Variants in MIPEP observed in about 807,000 individuals in gnomAD.
MIPEP encodes the protein mitochondrial intermediate peptidase.
Under a neutral mutation model 90.3 loss-of-function variants are expected in MIPEP, and 79 were observed. The observed-to-expected ratio is 0.87, with a 90% confidence interval of 0.73 to 1.05. The LOEUF is 1.05. MIPEP is among the 50% of genes least tolerant of loss of function. The pLI is 0.00. For synonymous variants in MIPEP, 334 were observed against 315.8 expected, an observed-to-expected ratio of 1.06 and a Z score of -0.61; for missense variants, 940 against 905.6, an observed-to-expected ratio of 1.04 and a Z score of -0.49.
At chr13:23,753,034 C>G in intron 18 of MIPEP, among the ~76,000 whole-genome samples, 1 of 152,190 alleles carries the variant, frequency 6.6e-6, no homozygotes, top group Middle Eastern at 3.4e-3. Flanking sequence ...TCGAGACCAG[C>G]CTGGCCAACA....
chr13:23,879,230 G>C, intron 4 of MIPEP, 38 bp downstream of exon 4: 3 of 1,259,254 alleles, frequency 2.4e-6, no homozygotes, highest in Non-Finnish European at 3.5e-6. Context: ...CACCTCTAGA[G>C]TCACAGTCAC....
At chr13:23,808,191 C>G (rs914288953) in intron 15 of MIPEP, among the ~76,000 whole-genome samples, 1 of 151,836 alleles carries the variant, frequency 6.6e-6, no homozygotes, top group Non-Finnish European at 1.5e-5. Flanking sequence ...CTCCGCCTCC[C>G]GGGTTCACGC....
intron 16 of MIPEP, among the ~76,000 whole-genome samples, chr13:23,783,505 G>A (rs1169434765): frequency 6.6e-6 from 1 of 152,138 alleles, no homozygotes; most frequent in African/African-American, 2.4e-5. Flanking sequence ...TACTGAATGG[G>A]CAAAAACTGG....
At chr13:23,753,765 C>A (rs1467915360) in intron 18 of MIPEP, among the ~76,000 whole-genome samples, 1 of 152,124 alleles carries the variant, frequency 6.6e-6, no homozygotes. Flanking sequence ...GAGCCCTGTT[C>A]CCAAGGGATG....
chr13:23,843,097 C>CAAAAAAA, intron 10 of MIPEP, among the ~76,000 whole-genome samples: 2 of 53,560 alleles, frequency 3.7e-5, no homozygotes, highest in Admixed American at 2.2e-4. Context: ...CTCTCCATCT[C>CAAAAAAA]AAAAAAAAAA....
intron 3 of MIPEP, among the ~76,000 whole-genome samples, chr13:23,879,900 T>C (rs540770017): frequency 1.4e-4 from 21 of 152,082 alleles, no homozygotes; most frequent in South Asian, 4.1e-4. Context: ...TGTTGAGCAG[T>C]TGTGCCATCC....
chr13:23,809,861 T>C lies in MIPEP; in HGVS notation c.1717A>G (p.Met573Val). 1 of 1,612,612 alleles carries C rather than the reference T, an allele frequency of 6.2e-7. No homozygotes were observed. The highest frequency in any genetic ancestry group is 8.5e-7 in the Non-Finnish European group (1 of 1,178,864). Residue 573 changes from methionine (M) to valine (V), a missense_variant, in exon 15 of 19, where the codon ATG (methionine) becomes GTG (valine). Met to Val is a conservative substitution (Grantham distance 21, BLOSUM62 1). Coordinates refer to ENST00000382172, the MANE Select transcript of MIPEP (RefSeq NM_005932.4). ...AGGTACATACATACCTGAAGTTGCA[T>C]ATCAGCTGCAGCACAAACCTTTTTA... ...ESKKVCAAAD[M>V]QLQVFYATLD...
At chr13:23,830,860 T>C (rs1047459279) in intron 14 of MIPEP, among the ~76,000 whole-genome samples, 11 of 152,194 alleles carry the variant, frequency 7.2e-5, no homozygotes, top group Non-Finnish European at 1.6e-4. Context: ...AGCATCACTG[T>C]AAAACAGGCC....
At chr13:23,769,425 G>T (rs188921330) in intron 16 of MIPEP, among the ~76,000 whole-genome samples, 2 of 152,222 alleles carry the variant, frequency 1.3e-5, no homozygotes, top group Non-Finnish European at 1.5e-5. Context: ...GGACATGAGT[G>T]CCCTTTGTAG....
chr13:23,843,298 G>A (rs1233368315), intron 10 of MIPEP, among the ~76,000 whole-genome samples: 1 of 152,106 alleles, frequency 6.6e-6, no homozygotes, highest in African/African-American at 2.4e-5. Flanking sequence ...AATGTAGAAA[G>A]AATGGGAGCG....
chr13:23,757,777 A>G (rs1195590427), intron 17 of MIPEP, among the ~76,000 whole-genome samples: 1 of 152,188 alleles, frequency 6.6e-6, no homozygotes, highest in East Asian at 1.9e-4. Context: ...GTTAATGACA[A>G]TATGTGAAGG....
intron 16 of MIPEP, among the ~76,000 whole-genome samples, chr13:23,797,844 T>C (rs1952980101): frequency 6.6e-6 from 1 of 152,374 alleles, no homozygotes; most frequent in African/African-American, 2.4e-5. Context: ...TCTTTTCATC[T>C]TTTATGCTCA....
intron 16 of MIPEP, among the ~76,000 whole-genome samples, chr13:23,800,097 A>G (rs1314578446): frequency 2.0e-5 from 3 of 152,216 alleles, no homozygotes; most frequent in East Asian, 1.9e-4. Flanking sequence ...CAAACCCACA[A>G]GCCTACCAAA....
chr13:23,806,387 T>C (rs779096924), intron 15 of MIPEP, among the ~76,000 whole-genome samples: 6 of 152,186 alleles, frequency 3.9e-5, no homozygotes, highest in Non-Finnish European at 8.8e-5. Flanking sequence ...AAAATATATG[T>C]AGACGGAAGG....
At chr13:23,749,811 A>G (rs1462358447) in intron 18 of MIPEP, among the ~76,000 whole-genome samples, 1 of 152,180 alleles carries the variant, frequency 6.6e-6, no homozygotes, top group Admixed American at 6.5e-5. Flanking sequence ...TGCCTTAAAA[A>G]TACTGTAATT....
chr13:23,880,097 A>T (rs936869951), intron 3 of MIPEP, among the ~76,000 whole-genome samples: 3 of 152,068 alleles, frequency 2.0e-5, no homozygotes, highest in Non-Finnish European at 4.4e-5. Context: ...TGTAAGAACC[A>T]CTCACCAGTC....
At chr13:23,803,974 G>A (rs1050968794) in intron 16 of MIPEP, among the ~76,000 whole-genome samples, 1 of 152,038 alleles carries the variant, frequency 6.6e-6, no homozygotes, top group African/African-American at 2.4e-5. Flanking sequence ...GCTACTGAAC[G>A]TGAATTGTGG....
chr13:23,730,232 T>C lies in MIPEP; in HGVS notation c.*116A>G. On this transcript the variant is annotated 3_prime_UTR_variant, in exon 19 of 19. Coordinates refer to ENST00000382172, the MANE Select transcript of MIPEP (RefSeq NM_005932.4). ...TATTCCAAGTTCTACCAGTTTAAAG[T>C]TTTTCAGAATTACAGAAGCGAACAA... is the stretch of plus-strand genomic sequence containing the variant. 1.5e-6 allele frequency: 1 copy of C among 686,024 alleles called. No homozygotes were observed. Among genetic ancestry groups the C allele is most frequent in the East Asian group, 2.8e-5 (1 of 36,312 alleles). The allele number at this position is 686,024 out of a possible 1,614,324, so 42.5% of individuals were successfully genotyped here.
At chr13:23,799,169 G>T (rs148138007) in intron 16 of MIPEP, among the ~76,000 whole-genome samples, 2,587 of 143,692 alleles carry the variant, frequency 0.018, 36 homozygotes, top group Non-Finnish European at 0.023. Context: ...ACGCGCAGCT[G>T]ATTTTTTTTT....
Sources: gnomAD v4.1 joint callset for allele counts (sites outside exome capture counted in the v4.1 genomes callset) on GRCh38, gnomAD v4.1.1 for gene constraint, MANE v1.5 for transcripts, NCBI Gene and HGNC (gene_info 2026-07-23, HGNC 2026-07-21) for gene names.